The following MTERF4 variants were observed in gnomAD, a reference collection of about 807,000 sequenced individuals.
MTERF4 encodes transcription termination factor 4, mitochondrial.
A neutral mutation model predicts 22.5 loss-of-function variants in MTERF4; 17 were observed. The observed-to-expected ratio is 0.75, with a 90% CI of 0.52 to 1.13. The LOEUF (loss-of-function observed/expected upper bound fraction) is 1.13, where lower values mean the gene tolerates loss of function less well. MTERF4 is among the 50% of genes most tolerant of loss of function. The pLI, the probability that MTERF4 is intolerant of heterozygous loss-of-function variation, is 0.00. For missense variants in MTERF4, 420 were observed against 466.8 expected, an observed-to-expected ratio of 0.90 and a Z score of 0.92; for synonymous variants, 165 against 175.3, an observed-to-expected ratio of 0.94 and a Z score of 0.47.
At chr2:241,065,322 A>C in the MTERF4 span, 1 of 1,612,794 alleles carries the variant, frequency 6.2e-7, no homozygotes, top group Non-Finnish European at 8.5e-7. Context: ...GACGGCCCTC[A>C]AGATGGAGAG....
At chr2:241,100,004 C>A (rs1254645958) in intron 1 of MTERF4, 110 bp from the exon 2 acceptor site, 38 of 1,356,022 alleles carry the variant, frequency 2.8e-5, no homozygotes, top group Non-Finnish European at 3.7e-5. Flanking sequence ...CACAAACATA[C>A]AATTTTTATA....
downstream of MTERF4, chr2:241,094,710 C>G: frequency 3.6e-6 from 1 of 274,778 alleles, no homozygotes; most frequent in Non-Finnish European, 7.2e-6. The surrounding 1 kb of genome is among the most constrained non-coding windows in gnomAD (Gnocchi z 4.3). Context: ...CTTGTGGGAC[C>G]ATCCTGTGCA....
chr2:241,044,651 G>C, the MTERF4 span, among the ~76,000 whole-genome samples: 1 of 152,186 alleles, frequency 6.6e-6, no homozygotes, highest in African/African-American at 2.4e-5. Context: ...AAGCCCTCTA[G>C]TCCAGCTTAA....
chr2:241,059,688 T>C, the MTERF4 span, among the ~76,000 whole-genome samples: 1 of 152,362 alleles, frequency 6.6e-6, no homozygotes, highest in South Asian at 2.1e-4. Flanking sequence ...ACTATATATC[T>C]CAATAGATGC....
At chr2:241,076,862 C>T (rs574902489) in intron 4 of MTERF4, among the ~76,000 whole-genome samples, 29 of 152,260 alleles carry the variant, frequency 1.9e-4, no homozygotes, top group African/African-American at 5.5e-4. Flanking sequence ...GAGGCCGAGG[C>T]GGGCGGATCA....
chr2:241,051,874 G>A, the MTERF4 span: 748 of 1,527,470 alleles, frequency 4.9e-4, 4 homozygotes, highest in African/African-American at 9.3e-3. This position sits in a 1 kb window ranked among gnomAD's most constrained non-coding sequence, Gnocchi z 4.7. Flanking sequence ...CGGCCCCCAG[G>A]GGCAGGGGGG....
At chr2:241,049,483 G>A in the MTERF4 span, among the ~76,000 whole-genome samples, 1 of 152,238 alleles carries the variant, frequency 6.6e-6, no homozygotes, top group Non-Finnish European at 1.5e-5. Flanking sequence ...GTGTATAGAT[G>A]AGATGGTTAA....
At chr2:241,042,830 A>T in the MTERF4 span, among the ~76,000 whole-genome samples, 6 of 152,252 alleles carry the variant, frequency 3.9e-5, no homozygotes, top group Non-Finnish European at 8.8e-5. Flanking sequence ...AGAGAATAAG[A>T]CTAAAAGAAA....
At chr2:241,083,535 G>A (rs768648395), downstream of MTERF4, among the ~76,000 whole-genome samples, 7 of 152,198 alleles carry the variant, frequency 4.6e-5, no homozygotes, top group Non-Finnish European at 8.8e-5. Context: ...GTAATATGTA[G>A]CAGGAACACA....
At chr2:241,054,349 G>GT in the MTERF4 span, among the ~76,000 whole-genome samples, 2 of 152,210 alleles carry the variant, frequency 1.3e-5, no homozygotes, top group Non-Finnish European at 2.9e-5. Flanking sequence ...GTAGAAGACA[G>GT]ACTAACACAG....
At chr2:241,101,311 T>C (rs1191448355) in intron 1 of MTERF4, 8 of 369,290 alleles carry the variant, frequency 2.2e-5, no homozygotes, top group African/African-American at 4.3e-5. Context: ...CAGTTCACAA[T>C]AGGGTTCGCG....
exon 5 of MTERF4, chr2:241,072,213 T>G (rs905610087): frequency 5.5e-6 from 3 of 548,386 alleles, no homozygotes; most frequent in Admixed American, 2.2e-5. Context: ...GCTCTGAGCT[T>G]TGTTTTAGTA....
chr2:241,071,226 T>C (rs56052315), downstream of MTERF4, among the ~76,000 whole-genome samples: 13,310 of 152,106 alleles, frequency 0.088, 726 homozygotes, highest in East Asian at 0.16. Flanking sequence ...GCACTGTGTC[T>C]CCAGGGCAGC....
chr2:241,071,730 C>T (rs762181005), downstream of MTERF4: 11 of 1,512,426 alleles, frequency 7.3e-6, no homozygotes, highest in Admixed American at 2.0e-5. Flanking sequence ...GGTACATGCC[C>T]CACCCATCGG....
At chr2:241,097,159 T>TC in intron 3 of MTERF4, 84 bp downstream of exon 3, 1 of 1,503,030 alleles carries the variant, frequency 6.7e-7, no homozygotes, top group East Asian at 2.3e-5. Flanking sequence ...ACGGTACCAG[T>TC]CATTCTCACC....
chr2:241,089,633 A>T (rs1325890259), downstream of MTERF4, among the ~76,000 whole-genome samples: 1 of 152,180 alleles, frequency 6.6e-6, no homozygotes, highest in Non-Finnish European at 1.5e-5. Context: ...CGAGGGAATC[A>T]CTTCCCGCTC....
At chr2:241,068,871 C>A (rs1167687066), downstream of MTERF4, 14 of 1,397,242 alleles carry the variant, frequency 1.0e-5, no homozygotes, top group Non-Finnish European at 1.4e-5. This position sits in a 1 kb window ranked among gnomAD's most constrained non-coding sequence, Gnocchi z 5.3. Context: ...ACACAGGTCC[C>A]AGACATCCCT....
chr2:241,050,719 T>A, the MTERF4 span, among the ~76,000 whole-genome samples: 2 of 152,130 alleles, frequency 1.3e-5, no homozygotes, highest in African/African-American at 4.8e-5. Flanking sequence ...TCTTTGTCTC[T>A]CAACACACTC....
chr2:241,048,513 C>T, the MTERF4 span: 1 of 1,527,416 alleles, frequency 6.5e-7, no homozygotes, highest in South Asian at 1.3e-5. Context: ...CCTGTGGGTG[C>T]ATGCAGGAAA....
Sources: allele counts gnomAD v4.1 joint callset (sites outside exome capture counted in the v4.1 genomes callset), GRCh38; gene constraint gnomAD v4.1.1; non-coding constraint Gnocchi (gnomAD v3.1); transcripts MANE v1.5; gene names NCBI Gene and HGNC (gene_info 2026-07-23, HGNC 2026-07-21).